The following PACS1 variants were observed in gnomAD, a reference collection of about 807,000 sequenced individuals.
PACS1 encodes PACS-1.
In PACS1, 24 loss-of-function variants were observed where a neutral mutation model predicts 115.0. The ratio of observed to expected loss-of-function variants is 0.21; its 90% CI spans 0.15 to 0.29. The LOEUF is 0.29. PACS1 is among the 10% of genes least tolerant of loss of function. The pLI, the probability that PACS1 is intolerant of heterozygous loss-of-function variation, is 1.00. For synonymous variants in PACS1, 453 were observed against 504.5 expected, an observed-to-expected ratio of 0.90 and a Z score of 1.37; for missense variants, 838 against 1,251.2, an observed-to-expected ratio of 0.67 and a Z score of 4.98.
At chr11:66,148,752 C>A (rs949445884) in intron 1 of PACS1, among the ~76,000 whole-genome samples, 1 of 152,058 alleles carries the variant, frequency 6.6e-6, no homozygotes, top group Non-Finnish European at 1.5e-5. Flanking sequence ...ATGGTGAAAC[C>A]CCTTCTCTAC....
chr11:66,161,692 A>G lies in PACS1; in HGVS notation c.357-31794A>G, dbSNP rs149678688. On this transcript the variant is annotated intron_variant, in intron 1 of 23. Transcript: ENST00000320580. ...CTATTACTCTAATTTCATTGGGACA[A>G]TGAATAAATTCCCACTTTAAATCTC... 3.2e-4 allele frequency among the ~76,000 whole-genome samples: 49 copies of G among 152,370 alleles called. 2 individuals carry two copies. Among genetic ancestry groups the G allele is most frequent in the African/African-American group, 1.1e-3 (47 of 41,598 alleles).
At chr11:66,076,435 C>T (rs1384898881) in intron 1 of PACS1, among the ~76,000 whole-genome samples, 2 of 151,032 alleles carry the variant, frequency 1.3e-5, no homozygotes, top group African/African-American at 2.4e-5. Flanking sequence ...GGGTCTTGTT[C>T]TGTTGCCCAG....
intron 1 of PACS1, among the ~76,000 whole-genome samples, chr11:66,184,932 T>C (rs1370926952): frequency 6.6e-6 from 1 of 152,168 alleles, no homozygotes; most frequent in Non-Finnish European, 1.5e-5. Context: ...GCAATGGGAA[T>C]GTTCTCTGCA....
At chr11:66,147,749 T>C (rs1277179347) in intron 1 of PACS1, among the ~76,000 whole-genome samples, 1 of 152,068 alleles carries the variant, frequency 6.6e-6, no homozygotes, top group Non-Finnish European at 1.5e-5. Context: ...GGTTAGTTAA[T>C]TGGTACAAAA....
At chr11:66,222,049 G>A (rs1242376633) in intron 10 of PACS1, among the ~76,000 whole-genome samples, 1 of 152,244 alleles carries the variant, frequency 6.6e-6, no homozygotes, top group Non-Finnish European at 1.5e-5. Flanking sequence ...CCAGGAGGCA[G>A]AAGCTGCAGT....
At chr11:66,082,094 A>G (rs544919368) in intron 1 of PACS1, among the ~76,000 whole-genome samples, 2 of 152,346 alleles carry the variant, frequency 1.3e-5, no homozygotes, top group South Asian at 2.1e-4. Context: ...TTAAGAATGT[A>G]TAAAACACAG....
chr11:66,167,154 A>G (rs990437264), intron 1 of PACS1, among the ~76,000 whole-genome samples: 1 of 150,126 alleles, frequency 6.7e-6, no homozygotes, highest in Non-Finnish European at 1.5e-5. Context: ...TGATTTGAGC[A>G]TATTTTTGTA....
intron 2 of PACS1, among the ~76,000 whole-genome samples, chr11:66,199,539 C>T (rs749494196): frequency 6.6e-6 from 1 of 151,694 alleles, no homozygotes; most frequent in Non-Finnish European, 1.5e-5. Flanking sequence ...AAAAACATAC[C>T]ATCAGAGAAA....
At chr11:66,119,637 C>G (rs1321105375) in intron 1 of PACS1, among the ~76,000 whole-genome samples, 2 of 152,252 alleles carry the variant, frequency 1.3e-5, no homozygotes, top group Non-Finnish European at 2.9e-5. Flanking sequence ...TCAGGCGGAT[C>G]TCAGTGCACA....
At chr11:66,171,804 C>G (rs1382869891) in intron 1 of PACS1, among the ~76,000 whole-genome samples, 5 of 150,730 alleles carry the variant, frequency 3.3e-5, no homozygotes, top group African/African-American at 5.0e-5. Flanking sequence ...TGGTCTCGAT[C>G]TCCTGACCTT....
At chr11:66,152,149 G>A (rs1157032451) in intron 1 of PACS1, among the ~76,000 whole-genome samples, 1 of 152,108 alleles carries the variant, frequency 6.6e-6, no homozygotes, top group African/African-American at 2.4e-5. Context: ...TGGGAGGATC[G>A]TTTGAGCCCA....
At chr11:66,177,488 G>A (rs1270082513) in intron 1 of PACS1, among the ~76,000 whole-genome samples, 2 of 152,132 alleles carry the variant, frequency 1.3e-5, no homozygotes, top group East Asian at 3.9e-4. Context: ...ACTGCACCCG[G>A]CCAAAATAGA....
At chr11:66,138,634 C>T (rs370854969) in intron 1 of PACS1, among the ~76,000 whole-genome samples, 3 of 151,816 alleles carry the variant, frequency 2.0e-5, no homozygotes, top group East Asian at 3.9e-4. Context: ...AGGCTTACTG[C>T]TGATGAAGCT....
At chr11:66,084,741 T>TA (rs1393950295) in intron 1 of PACS1, among the ~76,000 whole-genome samples, 1 of 152,200 alleles carries the variant, frequency 6.6e-6, no homozygotes, top group Admixed American at 6.5e-5. Context: ...TTGTTTTCTT[T>TA]AAAAATAATT....
chr11:66,084,004 A>G (rs1050200988), intron 1 of PACS1: 1 of 152,278 alleles, frequency 6.6e-6, no homozygotes, highest in Non-Finnish European at 1.5e-5. Context: ...CTGAGGAGAG[A>G]GCAGTGAACA....
chr11:66,146,474 G>A (rs1859126758), intron 1 of PACS1, among the ~76,000 whole-genome samples: 1 of 152,096 alleles, frequency 6.6e-6, no homozygotes, highest in Non-Finnish European at 1.5e-5. Context: ...AAGAATCAGT[G>A]AACTTAAAGA....
intron 1 of PACS1, among the ~76,000 whole-genome samples, chr11:66,090,430 AC>A: frequency 6.6e-6 from 1 of 150,688 alleles, no homozygotes; most frequent in South Asian, 2.1e-4. Flanking sequence ...GTGCTGCCAC[AC>A]CCAGCTAATT....
At chr11:66,103,513 ATTTTTTTTTTT>A (rs556121033) in intron 1 of PACS1, among the ~76,000 whole-genome samples, 21 of 109,168 alleles carry the variant, frequency 1.9e-4, no homozygotes, top group Non-Finnish European at 1.8e-4. Flanking sequence ...TTTGTTTGGA[ATTTTTTTTTTT>A]TTTTTTTTTT....
chr11:66,155,380 G>T (rs939002333), intron 1 of PACS1, among the ~76,000 whole-genome samples: 1 of 152,164 alleles, frequency 6.6e-6, no homozygotes, highest in African/African-American at 2.4e-5. Flanking sequence ...ACAAAGGATT[G>T]TAAAGAACTC....
Sources: gnomAD v4.1 joint callset for allele counts (sites outside exome capture counted in the v4.1 genomes callset) on GRCh38, gnomAD v4.1.1 for gene constraint, MANE v1.5 for transcripts, NCBI Gene and HGNC (gene_info 2026-07-23, HGNC 2026-07-21) for gene names.